The following B4GALT5 variants were observed in gnomAD, a reference collection of about 807,000 sequenced individuals.
B4GALT5 encodes the protein UDP-Gal:beta-GlcNAc beta-1,4-galactosyltransferase 5.
Under a neutral mutation model 45.0 loss-of-function variants are expected in B4GALT5, and 11 were observed. That is an observed-to-expected ratio of 0.24 (90% CI 0.15 to 0.40). B4GALT5 has a LOEUF of 0.40. Ranked by LOEUF, B4GALT5 falls within the 10% of genes least tolerant of loss-of-function variation. The pLI is 1.00. For synonymous variants in B4GALT5, 185 were observed against 182.9 expected, an observed-to-expected ratio of 1.01 and a Z score of -0.09; for missense variants, 337 against 500.2, an observed-to-expected ratio of 0.67 and a Z score of 3.11.
rs138727530 is a variant in B4GALT5, at chr20:49,643,922, C to CTT, written c.365-274_365-273dup. 1.6e-3 allele frequency among the ~76,000 whole-genome samples: 86 copies of CTT among 52,184 alleles called. 11 individuals are homozygous for CTT. The highest frequency in any genetic ancestry group is 6.3e-3 in the African/African-American group (74 of 11,790). The allele number at this position is 52,184 out of a possible 152,430, so 34.2% of individuals were successfully genotyped here. ...AACTTTAAGTAAAACAGTAGCTGAG[C>CTT]TTTTTTTTTTTTTTTTTTTTTTTTT... On this transcript the variant is annotated intron_variant, in intron 3 of 8. Transcript: ENST00000371711.
Position 49,689,747 on chromosome 20 carries a change from C to A in B4GALT5, c.115+23829G>T, listed in dbSNP as rs560128317. Reference sequence around the variant, plus strand: ...CATGCAATGAATAGGTGTGCATTTGCGGAGTTTGACAAATGCACATACCTG... The same window carrying A: ...CATGCAATGAATAGGTGTGCATTTGAGGAGTTTGACAAATGCACATACCTG... On this transcript the variant is annotated intron_variant, in intron 1 of 8. Coordinates refer to ENST00000371711, the MANE Select transcript of B4GALT5 (RefSeq NM_004776.4). Among the ~76,000 whole-genome samples, 25 of 152,172 alleles carry A rather than the reference C, an allele frequency of 1.6e-4. No homozygotes were observed. In the East Asian group the frequency reaches 3.9e-3, roughly 23 times the overall value.
At chr20:49,666,340 A>C (rs2146341987) in intron 1 of B4GALT5, among the ~76,000 whole-genome samples, 1 of 152,328 alleles carries the variant, frequency 6.6e-6, no homozygotes, top group East Asian at 1.9e-4. Flanking sequence ...AACTGACCAG[A>C]GCCAGAAAGA....
Position 49,666,838 on chromosome 20 carries a change from C to T in B4GALT5, c.116-10136G>A, listed in dbSNP as rs1014839545. Among the ~76,000 whole-genome samples the T allele has an allele frequency of 4.6e-5, 7 of 152,326 alleles. No individual in the cohort carries two copies. The South Asian group carries it at 1.2e-3, about 27-fold the overall frequency. ...AAAATAATTCAACCTTACCCCCAAA[C>T]AAGCAGATGATCAGTGTTCACTGCT... On this transcript the variant is annotated intron_variant, in intron 1 of 8. Transcript: ENST00000371711.
intron 1 of B4GALT5, among the ~76,000 whole-genome samples, chr20:49,709,120 A>G (rs971528797): frequency 3.3e-5 from 5 of 152,134 alleles, no homozygotes; most frequent in African/African-American, 1.2e-4. Context: ...ATTTATAAAT[A>G]GCTCGCTTCT....
intron 1 of B4GALT5, among the ~76,000 whole-genome samples, chr20:49,669,189 G>A (rs942871343): frequency 6.6e-6 from 1 of 151,808 alleles, no homozygotes; most frequent in Non-Finnish European, 1.5e-5. Flanking sequence ...CCCTTTCCTA[G>A]CTTTTCCTGG....
intron 1 of B4GALT5, among the ~76,000 whole-genome samples, chr20:49,706,535 G>C (rs1188953691): frequency 6.6e-6 from 1 of 152,124 alleles, no homozygotes; most frequent in Non-Finnish European, 1.5e-5. Context: ...CAAATGCTGG[G>C]TACCTGGGTA....
At chr20:49,695,504 C>T (rs890397879) in intron 1 of B4GALT5, among the ~76,000 whole-genome samples, 3 of 151,994 alleles carry the variant, frequency 2.0e-5, no homozygotes, top group African/African-American at 4.8e-5. Context: ...CTCCACCTCC[C>T]GGGTTCAAGC....
At chr20:49,641,296 C>T (rs1270711364) in intron 5 of B4GALT5, among the ~76,000 whole-genome samples, 3 of 152,208 alleles carry the variant, frequency 2.0e-5, no homozygotes, top group African/African-American at 7.2e-5. Flanking sequence ...CATTTCTACT[C>T]CTTACCACTT....
intron 1 of B4GALT5, among the ~76,000 whole-genome samples, chr20:49,672,366 C>T (rs771102335): frequency 6.6e-6 from 1 of 152,212 alleles, no homozygotes; most frequent in Admixed American, 6.5e-5. Flanking sequence ...AGAGAAAGCA[C>T]TTGAAAATTT....
chr20:49,661,342 C>A (rs1261588054), intron 1 of B4GALT5, among the ~76,000 whole-genome samples: 1 of 152,138 alleles, frequency 6.6e-6, no homozygotes, highest in Admixed American at 6.5e-5. Flanking sequence ...TCAAGCGATT[C>A]TTCTGCCTCA....
At chr20:49,709,310 CCAGAGGG>C (rs2085897876) in intron 1 of B4GALT5, among the ~76,000 whole-genome samples, 1 of 152,008 alleles carries the variant, frequency 6.6e-6, no homozygotes, top group Non-Finnish European at 1.5e-5. Flanking sequence ...ATCATAAAGG[CCAGAGGG>C]TAGAGGGTTG....
chr20:49,687,502 G>C (rs190172512), intron 1 of B4GALT5, among the ~76,000 whole-genome samples: 1 of 152,064 alleles, frequency 6.6e-6, no homozygotes, highest in Non-Finnish European at 1.5e-5. Context: ...AAATTAGCCG[G>C]GTGTGGTGGC....
chr20:49,685,669 T>C (rs1261787265), intron 1 of B4GALT5, among the ~76,000 whole-genome samples: 1 of 152,130 alleles, frequency 6.6e-6, no homozygotes, highest in African/African-American at 2.4e-5. Flanking sequence ...TTTTACAGAA[T>C]AGAAATTACG....
chr20:49,655,256 C>T (rs1212281729), intron 2 of B4GALT5, among the ~76,000 whole-genome samples: 2 of 151,872 alleles, frequency 1.3e-5, no homozygotes, highest in Non-Finnish European at 2.9e-5. Flanking sequence ...CATGGCGAAA[C>T]CCCGTCTCTA....
chr20:49,703,608 G>C (rs1343628738), intron 1 of B4GALT5, among the ~76,000 whole-genome samples: 2 of 152,046 alleles, frequency 1.3e-5, no homozygotes, highest in African/African-American at 4.8e-5. Context: ...TACAGATTCA[G>C]CCGGGCATGG....
chr20:49,701,712 T>C (rs1337082554), intron 1 of B4GALT5, among the ~76,000 whole-genome samples: 2 of 152,172 alleles, frequency 1.3e-5, no homozygotes, highest in East Asian at 1.9e-4. Context: ...TCAGGGTCTT[T>C]ATTGTAACTA....
chr20:49,693,377 G>C (rs976452094), intron 1 of B4GALT5, among the ~76,000 whole-genome samples: 1 of 152,114 alleles, frequency 6.6e-6, no homozygotes, highest in Non-Finnish European at 1.5e-5. Flanking sequence ...ACTGAAGTTC[G>C]AACAGAATGG....
At chr20:49,658,821 C>T (rs1429201379) in intron 1 of B4GALT5, among the ~76,000 whole-genome samples, 2 of 152,186 alleles carry the variant, frequency 1.3e-5, no homozygotes, top group Non-Finnish European at 2.9e-5. Flanking sequence ...TGGTGCTGGA[C>T]TAAGGACCAC....
intron 1 of B4GALT5, among the ~76,000 whole-genome samples, chr20:49,662,898 T>A (rs867367854): frequency 1.3e-5 from 2 of 152,190 alleles, no homozygotes; most frequent in Admixed American, 6.5e-5. Context: ...TTATACTCAC[T>A]CCCATGGATG....
Sources: allele counts gnomAD v4.1 joint callset (sites outside exome capture counted in the v4.1 genomes callset), GRCh38; gene constraint gnomAD v4.1.1; transcripts MANE v1.5; gene names NCBI Gene and HGNC (gene_info 2026-07-23, HGNC 2026-07-21).